The following APP variants were observed in gnomAD, a reference collection of about 807,000 sequenced individuals.
APP encodes amyloid-beta precursor protein.
APP carries 31 observed loss-of-function variants against 101.4 expected under a neutral mutation model. That is an observed-to-expected ratio of 0.31 (90% confidence interval 0.23 to 0.41). APP has a LOEUF of 0.41. Ranked by LOEUF, APP falls within the 10% of genes least tolerant of loss-of-function variation. The probability of loss-of-function intolerance (pLI) is 1.00; values close to 1 mark genes in which losing one functional copy is unlikely to be tolerated. For synonymous variants in APP, 366 were observed against 364.4 expected, an observed-to-expected ratio of 1.00 and a Z score of -0.05; for missense variants, 839 against 1,003.7, an observed-to-expected ratio of 0.84 and a Z score of 2.22.
intron 3 of APP, among the ~76,000 whole-genome samples, chr21:26,066,449 A>C (rs2046456637): frequency 6.6e-6 from 1 of 151,664 alleles, no homozygotes; most frequent in Non-Finnish European, 1.5e-5. Flanking sequence ...CCTGCACACC[A>C]TTAAACAACT....
At chr21:26,006,874 A>C (rs969887239) in intron 6 of APP, among the ~76,000 whole-genome samples, 8 of 152,214 alleles carry the variant, frequency 5.3e-5, no homozygotes, top group African/African-American at 1.9e-4. Flanking sequence ...CTGGTTTTAG[A>C]ATAAAGCAAA....
chr21:25,892,228 G>C (rs1237121968), intron 16 of APP, among the ~76,000 whole-genome samples: 1 of 152,064 alleles, frequency 6.6e-6, no homozygotes, highest in African/African-American at 2.4e-5. Flanking sequence ...GTGAGTGGTG[G>C]GAAGATAGCG....
chr21:25,958,524 G>T (rs572813299), intron 11 of APP, among the ~76,000 whole-genome samples: 3 of 149,442 alleles, frequency 2.0e-5, no homozygotes, highest in Non-Finnish European at 4.4e-5. Context: ...TGATCTGCCC[G>T]CCTTGGCCTC....
intron 1 of APP, among the ~76,000 whole-genome samples, chr21:26,127,896 G>C (rs1303432657): frequency 6.6e-6 from 1 of 152,166 alleles, no homozygotes; most frequent in Admixed American, 6.5e-5. Context: ...AAACTAAAAT[G>C]AGCACGTTCG....
chr21:26,006,487 T>C (rs1003707936), intron 6 of APP, among the ~76,000 whole-genome samples: 7 of 152,214 alleles, frequency 4.6e-5, no homozygotes, highest in Admixed American at 6.5e-5. Context: ...CTGAGATTTG[T>C]GCTCGTGTCA....
intron 11 of APP, among the ~76,000 whole-genome samples, chr21:25,959,150 A>G (rs2041465201): frequency 6.6e-6 from 1 of 152,218 alleles, no homozygotes; most frequent in African/African-American, 2.4e-5. Flanking sequence ...GAAGTTAAAA[A>G]CAGGCCAGGC....
intron 9 of APP, among the ~76,000 whole-genome samples, chr21:25,978,166 T>C (rs932507363): frequency 1.3e-5 from 2 of 152,236 alleles, no homozygotes; most frequent in African/African-American, 4.8e-5. Flanking sequence ...AGCATTACTA[T>C]AGAAATTAAC....
chr21:25,992,235 T>C (rs374317655), intron 8 of APP, among the ~76,000 whole-genome samples: 32 of 151,932 alleles, frequency 2.1e-4, no homozygotes, highest in African/African-American at 5.8e-4. Context: ...AACACAAAAA[T>C]TAGCTGTGTG....
chr21:25,980,054 G>A (rs993747812), intron 9 of APP, among the ~76,000 whole-genome samples: 2 of 152,154 alleles, frequency 1.3e-5, no homozygotes, highest in African/African-American at 4.8e-5. Context: ...AAGAGTGGGA[G>A]GGCATTTCCA....
At chr21:26,152,289 A>ACAAAAAAAAAAAAC in intron 1 of APP, among the ~76,000 whole-genome samples, 1 of 146,754 alleles carries the variant, frequency 6.8e-6, no homozygotes, top group African/African-American at 2.6e-5. Flanking sequence ...CATCTCAAAA[A>ACAAAAAAAAAAAAC]AAAAAAAAAA....
chr21:26,042,627 C>T (rs997290531), intron 5 of APP, among the ~76,000 whole-genome samples: 10 of 152,166 alleles, frequency 6.6e-5, no homozygotes, highest in African/African-American at 2.4e-4. Flanking sequence ...CTTGGTCTGG[C>T]GTGGTGGCTC....
Position 26,153,357 on chromosome 21 carries a change from AG to A in APP, c.57+17206del, listed in dbSNP as rs2063316445. Among the ~76,000 whole-genome samples the A allele has an allele frequency of 1.3e-5, 2 of 152,366 alleles. 1 individual carries two copies. Among genetic ancestry groups the A allele is most frequent in the South Asian group, 4.1e-4 (2 of 4,830 alleles). ...CAGTTCCTATTGTTTATATTTACTA[AG>A]AAAAACAACAGAAAACACTGTTTTA... On this transcript the variant is annotated intron_variant, in intron 1 of 17. Transcript: ENST00000346798.
intron 3 of APP, among the ~76,000 whole-genome samples, chr21:26,078,410 G>A (rs942734526): frequency 3.9e-5 from 6 of 152,064 alleles, no homozygotes; most frequent in Admixed American, 3.3e-4. Context: ...AGAAGTCTAT[G>A]TCTAATATAT....
chr21:26,067,511 C>A (rs1255827617), intron 3 of APP, among the ~76,000 whole-genome samples: 1 of 152,108 alleles, frequency 6.6e-6, no homozygotes, highest in Non-Finnish European at 1.5e-5. Flanking sequence ...GCAGAGAAAC[C>A]ATAATAAGCT....
At chr21:25,886,579 G>C (rs192266593) in intron 17 of APP, among the ~76,000 whole-genome samples, 3 of 151,930 alleles carry the variant, frequency 2.0e-5, no homozygotes, top group African/African-American at 7.2e-5. Flanking sequence ...ATTTTTATTA[G>C]AGACAGGGTC....
chr21:25,942,333 T>C (rs1378224604), intron 13 of APP: 2 of 152,176 alleles, frequency 1.3e-5, no homozygotes, highest in African/African-American at 4.8e-5. Context: ...GATTCAGTCT[T>C]TAGTCTTATT....
chr21:25,907,767 G>C (rs188707291), intron 14 of APP, among the ~76,000 whole-genome samples: 4 of 152,174 alleles, frequency 2.6e-5, no homozygotes, highest in African/African-American at 9.7e-5. Context: ...CAAAGGTAAT[G>C]AGGAATCAGC....
At chr21:26,126,731 A>G (rs1268691228) in intron 1 of APP, among the ~76,000 whole-genome samples, 2 of 152,100 alleles carry the variant, frequency 1.3e-5, no homozygotes, top group Non-Finnish European at 2.9e-5. Context: ...ATAAACAATT[A>G]TTTGGCTCAA....
intron 9 of APP, among the ~76,000 whole-genome samples, chr21:25,981,682 C>CT (rs1020656024): frequency 7.5e-6 from 1 of 132,638 alleles, no homozygotes; most frequent in African/African-American, 2.8e-5. Context: ...TAAGGACCTG[C>CT]TAAAAAAAAA....
Sources: allele counts gnomAD v4.1 joint callset (sites outside exome capture counted in the v4.1 genomes callset), GRCh38; gene constraint gnomAD v4.1.1; transcripts MANE v1.5; gene names NCBI Gene and HGNC (gene_info 2026-07-23, HGNC 2026-07-21).